The following PDE4D variants were observed in gnomAD, a reference collection of about 807,000 sequenced individuals.
PDE4D encodes the protein phosphodiesterase 4D.
PDE4D carries 24 observed loss-of-function variants against 87.4 expected under a neutral mutation model. That is an observed-to-expected ratio of 0.27 (90% CI 0.20 to 0.39). PDE4D has a LOEUF of 0.39. Among genes scored for constraint, PDE4D ranks in the 10% least tolerant of loss-of-function variants. The pLI is 1.00. For missense variants in PDE4D, 714 were observed against 1,041.0 expected, an observed-to-expected ratio of 0.69 and a Z score of 4.32; for synonymous variants, 384 against 383.2, an observed-to-expected ratio of 1.00 and a Z score of -0.02.
chr5:59,200,306 T>C (rs1212449559), intron 2 of PDE4D, among the ~76,000 whole-genome samples: 6 of 132,146 alleles, frequency 4.5e-5, no homozygotes, highest in Non-Finnish European at 9.6e-5. Flanking sequence ...TATGTGTATG[T>C]ACAGCTACAC....
chr5:59,666,265 TAC>T (rs1746064524), intron 1 of PDE4D, among the ~76,000 whole-genome samples: 1 of 152,148 alleles, frequency 6.6e-6, no homozygotes, highest in Non-Finnish European at 1.5e-5. Context: ...CCAGCCATGC[TAC>T]AGAGTTTATG....
chr5:59,469,507 C>T (rs767769660), intron 1 of PDE4D, among the ~76,000 whole-genome samples: 1 of 152,176 alleles, frequency 6.6e-6, no homozygotes, highest in Non-Finnish European at 1.5e-5. Context: ...CTTTGACTGT[C>T]TGCTGGTCAC....
chr5:59,542,916 A>G lies in PDE4D; in HGVS notation c.456-326948T>C, dbSNP rs191978081. On this transcript the variant is annotated intron_variant, in intron 1 of 14. Transcript: ENST00000340635. ...TCTAGAAATACTAATCAACTGAAAC[A>G]AGCCGCCTCCAAAACAGTAATGTGG... 2.6e-3 allele frequency among the ~76,000 whole-genome samples: 391 copies of G among 152,286 alleles called. 2 individuals carry two copies. Among genetic ancestry groups the G allele is most frequent in the African/African-American group, 8.7e-3 (361 of 41,568 alleles).
intron 5 of PDE4D, among the ~76,000 whole-genome samples, chr5:59,143,350 A>C (rs1398947573): frequency 6.6e-6 from 1 of 152,218 alleles, no homozygotes; most frequent in Non-Finnish European, 1.5e-5. Flanking sequence ...GAAAACAAAA[A>C]TTAAATGTCA....
intron 3 of PDE4D, among the ~76,000 whole-genome samples, chr5:59,974,172 A>G (rs756926495): frequency 3.3e-5 from 5 of 152,174 alleles, no homozygotes; most frequent in Admixed American, 6.5e-5. Flanking sequence ...TTTTATTGCT[A>G]AAATTGGCAG....
chr5:59,600,665 A>G (rs1827370729), intron 1 of PDE4D, among the ~76,000 whole-genome samples: 1 of 152,136 alleles, frequency 6.6e-6, no homozygotes, highest in South Asian at 2.1e-4. Context: ...CAGCAGAGGA[A>G]GTTTATGTTT....
At chr5:59,609,718 C>T (rs185274182) in intron 1 of PDE4D, among the ~76,000 whole-genome samples, 1 of 152,274 alleles carries the variant, frequency 6.6e-6, no homozygotes, top group East Asian at 1.9e-4. Flanking sequence ...AGCCCATTCT[C>T]ACTAAAACAG....
chr5:59,180,649 C>T lies in PDE4D; in HGVS notation c.759-5G>A, dbSNP rs1388945860. 2 of 1,612,510 alleles carry T rather than the reference C, an allele frequency of 1.2e-6. No homozygotes were observed. The highest frequency in any genetic ancestry group is 1.7e-6 in the Non-Finnish European group (2 of 1,179,178). ...TGGTTGCACATGGGTGATCTTCTGA[C>T]AAAGACAGAAAAACACAAAGCAGTA... On this transcript the variant is annotated splice_region_variant and splice_polypyrimidine_tract_variant and intron_variant, in intron 4 of 14. Coordinates refer to ENST00000340635, the MANE Select transcript of PDE4D (RefSeq NM_001104631.2).
intron 5 of PDE4D, among the ~76,000 whole-genome samples, chr5:59,066,087 C>T (rs1319516716): frequency 6.6e-6 from 1 of 152,084 alleles, no homozygotes; most frequent in East Asian, 1.9e-4. Flanking sequence ...AAAAGAAAAC[C>T]TATCAATTCA....
chr5:59,925,132 G>A lies in PDE4D; in HGVS notation c.272+63356C>T, dbSNP rs189143897. On this transcript the variant is annotated intron_variant, in intron 3 of 16. Transcript: ENST00000502484. ...AGAGCTTGCAGTGAGCCAAGATCAC[G>A]CCACTGCACTCCAGCCTGGGCAACA... Among the ~76,000 whole-genome samples, 21 of 126,944 alleles carry A rather than the reference G, an allele frequency of 1.7e-4. No homozygotes were observed. In the East Asian group the frequency reaches 4.8e-3, roughly 29 times the overall value. The allele number at this position is 126,944 out of a possible 152,430, so 83.3% of individuals were successfully genotyped here. A position where few individuals can be genotyped will look rare whatever the true frequency, so the allele number is the denominator to read the frequency against.
chr5:60,214,473 G>A (rs1743620278), intron 1 of PDE4D, among the ~76,000 whole-genome samples: 1 of 152,032 alleles, frequency 6.6e-6, no homozygotes, highest in South Asian at 2.1e-4. Context: ...CGAGTAAGGT[G>A]GTGAACACAG....
intron 5 of PDE4D, among the ~76,000 whole-genome samples, chr5:59,122,890 C>T (rs73098917): frequency 1.7e-3 from 252 of 152,194 alleles, no homozygotes; most frequent in African/African-American, 5.9e-3. Flanking sequence ...CATTTCGAAA[C>T]AGGTTTTGAA....
chr5:60,199,353 T>G (rs1729820344), intron 1 of PDE4D, among the ~76,000 whole-genome samples: 1 of 151,784 alleles, frequency 6.6e-6, no homozygotes, highest in Non-Finnish European at 1.5e-5. Flanking sequence ...AACTGGAGCC[T>G]GTGCTGAATC....
intron 2 of PDE4D, among the ~76,000 whole-genome samples, chr5:59,203,832 G>C (rs1748112886): frequency 6.6e-6 from 1 of 152,134 alleles, no homozygotes; most frequent in Non-Finnish European, 1.5e-5. Context: ...GTTGTTCCCA[G>C]GGACTGGAGC....
At chr5:58,984,248 C>G (rs973916114) in intron 11 of PDE4D, among the ~76,000 whole-genome samples, 2 of 152,176 alleles carry the variant, frequency 1.3e-5, no homozygotes, top group African/African-American at 4.8e-5. Flanking sequence ...ATTCATCACT[C>G]CACTCTCTAT....
At chr5:60,323,979 T>G (rs1489289916) in intron 1 of PDE4D, among the ~76,000 whole-genome samples, 2 of 152,146 alleles carry the variant, frequency 1.3e-5, no homozygotes, top group Admixed American at 6.5e-5. Context: ...GGTAGCACCA[T>G]GTGTCTGTCT....
rs1763275767 is a variant in PDE4D at position 59,268,715 on chromosome 5, G to A, written c.456-52747C>T. 2.0e-5 allele frequency among the ~76,000 whole-genome samples: 3 copies of A among 151,832 alleles called. No individual in the cohort carries two copies. In the South Asian group the frequency reaches 6.2e-4, roughly 32 times the overall value. ...TACCAACCTAGCTAATATCCCTCAGGCCCTATTCTCTATACCTTTATCTAA... is the reference window on the plus strand; with the variant it reads ...TACCAACCTAGCTAATATCCCTCAGACCCTATTCTCTATACCTTTATCTAA... On this transcript the variant is annotated intron_variant, in intron 1 of 14. Transcript: ENST00000340635.
chr5:60,329,294 A>G (rs1757099167), intron 1 of PDE4D, among the ~76,000 whole-genome samples: 1 of 152,134 alleles, frequency 6.6e-6, no homozygotes, highest in Non-Finnish European at 1.5e-5. Context: ...GTGAGTTCTC[A>G]TGAGATCTGA....
intron 2 of PDE4D, among the ~76,000 whole-genome samples, chr5:60,140,616 T>A (rs1435527383): frequency 6.6e-6 from 1 of 151,420 alleles, no homozygotes; most frequent in Non-Finnish European, 1.5e-5. Flanking sequence ...AGTACTGTTG[T>A]GGAATTGAAA....
Sources: allele counts gnomAD v4.1 joint callset (sites outside exome capture counted in the v4.1 genomes callset), GRCh38; gene constraint gnomAD v4.1.1; transcripts MANE v1.5; gene names NCBI Gene and HGNC (gene_info 2026-07-23, HGNC 2026-07-21).